The following SSH1 variants were observed in gnomAD, a reference collection of about 807,000 sequenced individuals.
SSH1 encodes slingshot protein phosphatase 1.
A neutral mutation model predicts 79.7 loss-of-function variants in SSH1; 43 were observed. That is an observed-to-expected ratio of 0.54 (90% CI 0.42 to 0.70). The LOEUF is 0.70. SSH1 is among the 30% of genes least tolerant of loss of function. The pLI is 0.00. For synonymous variants in SSH1, 599 were observed against 538.3 expected, an observed-to-expected ratio of 1.11 and a Z score of -1.56; for missense variants, 1,206 against 1,358.8, an observed-to-expected ratio of 0.89 and a Z score of 1.77.
At chr12:108,825,165 T>C (rs528568018) in intron 2 of SSH1, among the ~76,000 whole-genome samples, 81 of 152,322 alleles carry the variant, frequency 5.3e-4, no homozygotes, top group Admixed American at 4.8e-3. Context: ...CCAATGAACA[T>C]ATACATGATT....
At chr12:108,825,512 T>C (rs2038278930) in intron 2 of SSH1, among the ~76,000 whole-genome samples, 1 of 152,214 alleles carries the variant, frequency 6.6e-6, no homozygotes, top group Non-Finnish European at 1.5e-5. Context: ...ATGCTAAAAA[T>C]AGTGACTGCT....
chr12:108,805,493 A>G (rs1038603651), intron 9 of SSH1, among the ~76,000 whole-genome samples: 2 of 151,858 alleles, frequency 1.3e-5, no homozygotes, highest in African/African-American at 2.4e-5. Context: ...CAAATACATC[A>G]AATAATCTAA....
At chr12:108,823,508 T>A in intron 2 of SSH1, 147 bp from the exon 3 acceptor site, 1 of 726,176 alleles carries the variant, frequency 1.4e-6, no homozygotes, top group Non-Finnish European at 2.4e-6. Context: ...TAATTCCACG[T>A]AGTACTTTTC....
At chr12:108,804,922 G>T in intron 10 of SSH1, 134 bp downstream of exon 10, 1 of 1,088,858 alleles carries the variant, frequency 9.2e-7, no homozygotes. Context: ...GGGAGCTCCT[G>T]CCAGCCAGGA....
Position 108,787,963 on chromosome 12 carries a change from C to T in SSH1, c.*25G>A, listed in dbSNP as rs1156611340. On this transcript the variant is annotated 3_prime_UTR_variant, in exon 15 of 15. Transcript: ENST00000326495. ...GGAGGGATCATATGAAAATATCCGC[C>T]CAGCCTGACGCAGCAAAAGGCGGGT... is the stretch of plus-strand genomic sequence containing the variant. 1 of 1,613,892 alleles carries T rather than the reference C, an allele frequency of 6.2e-7. No homozygotes were observed. Among genetic ancestry groups the T allele is most frequent in the East Asian group, 2.2e-5 (1 of 44,894 alleles).
At chr12:108,797,153 G>C (rs59298008) in intron 13 of SSH1, among the ~76,000 whole-genome samples, 2 of 151,916 alleles carry the variant, frequency 1.3e-5, no homozygotes, top group African/African-American at 4.8e-5. Context: ...TTCAGACAGC[G>C]TCTGGTTCTG....
intron 2 of SSH1, chr12:108,834,373 C>A (rs1006679594): frequency 1.3e-5 from 2 of 152,248 alleles, no homozygotes; most frequent in African/African-American, 4.8e-5. Flanking sequence ...TATAGCTCCT[C>A]CCTTTCAACA....
chr12:108,791,076 G>A (rs1021928660), intron 14 of SSH1, among the ~76,000 whole-genome samples: 3 of 152,232 alleles, frequency 2.0e-5, no homozygotes, highest in African/African-American at 7.2e-5. Context: ...TAAGTTGGAA[G>A]GCTGGATACT....
intron 1 of SSH1, among the ~76,000 whole-genome samples, chr12:108,856,257 G>A (rs1298815056): frequency 6.6e-6 from 1 of 152,242 alleles, no homozygotes; most frequent in Non-Finnish European, 1.5e-5. Context: ...CGACCAGAGG[G>A]TCATCCCTGC....
In SSH1 at chr12:108,807,703, T is replaced by C; in HGVS notation, c.661A>G (p.Ile221Val). The C allele has an allele frequency of 1.2e-6, 2 of 1,613,398 alleles. No homozygotes were observed. Among genetic ancestry groups the C allele is most frequent in the Non-Finnish European group, 1.7e-6 (2 of 1,179,598 alleles). ...TCCTGCATGGCGTTCCACTCGTTGA[T>C]GCAGCTCTGCTCGGAGCTGATGCAG... ...ESCISSEQSC[I>V]NEWNAMQDLE... Residue 221 changes from isoleucine (I) to valine (V), a missense_variant, in exon 8 of 15, where the codon ATC becomes GTC. Physicochemically the swap from Ile to Val is conservative, Grantham distance 29. Coordinates refer to ENST00000326495, the MANE Select transcript of SSH1 (RefSeq NM_018984.4). This position sits in a 1 kb window ranked among gnomAD's most constrained non-coding sequence, Gnocchi z 5.2.
chr12:108,798,484 G>A (rs1366553667), intron 13 of SSH1, among the ~76,000 whole-genome samples: 1 of 152,210 alleles, frequency 6.6e-6, no homozygotes, highest in African/African-American at 2.4e-5. Flanking sequence ...GACTACAAGT[G>A]CATGTCCCAG....
chr12:108,842,258 ACCCCAATGTTTAAATATG>A (rs1306838539), intron 2 of SSH1, among the ~76,000 whole-genome samples: 1 of 152,106 alleles, frequency 6.6e-6, no homozygotes, highest in Non-Finnish European at 1.5e-5. Flanking sequence ...CAGCACAATG[ACCCCAATGTTTAAATATG>A]CCCCAATGTT....
chr12:108,847,804 C>T (rs1055046683), intron 2 of SSH1, among the ~76,000 whole-genome samples: 1 of 152,162 alleles, frequency 6.6e-6, no homozygotes, highest in South Asian at 2.1e-4. Flanking sequence ...ATGAGGCCGT[C>T]ACTAAGGGAT....
At chr12:108,853,227 C>T (rs777115492) in intron 1 of SSH1, 17 of 985,212 alleles carry the variant, frequency 1.7e-5, no homozygotes, top group African/African-American at 1.6e-4. Flanking sequence ...ACATTTGATA[C>T]GAAACATCCT....
chr12:108,857,347 C>A lies in SSH1; in HGVS notation c.69+81G>T. On this transcript the variant is annotated intron_variant, in intron 1 of 14. Transcript: ENST00000326495. This position sits in a 1 kb window ranked among gnomAD's most constrained non-coding sequence, Gnocchi z 4.7. ...GGAGCCCGCGCAGCCGCCCCCCTGC[C>A]CCGCACGCGCGGCCCCAGCTCCGGC... The A allele has an allele frequency of 3.5e-6, 3 of 850,204 alleles. No homozygotes were observed. The highest frequency in any genetic ancestry group is 3.7e-5 in the African/African-American group (2 of 54,344). 52.7% of individuals were successfully genotyped at this position (850,204 alleles called of 1,614,324 possible).
Position 108,788,886 on chromosome 12 carries a change from A to T in SSH1, c.2252T>A (p.Leu751Gln). The change falls in exon 15 of 15, where the codon CTG becomes CAG. Residue 751 changes from leucine to glutamine, a missense_variant. Leu to Gln is a moderately radical substitution (Grantham distance 113, BLOSUM62 -2). Coordinates refer to ENST00000326495, the MANE Select transcript of SSH1 (RefSeq NM_018984.4). ...LEPSRETPKV[L>Q]PKSLLLKNSH... is the part of the protein sequence containing the mutation. ...ATTCTTCAAAAGGAGGGACTTTGGC[A>T]GGACTTTTGGGGTCTCTCTGGAAGG... The T allele has an allele frequency of 6.2e-7, 1 of 1,614,236 alleles. No homozygotes were observed. Among genetic ancestry groups the T allele is most frequent in the South Asian group, 1.1e-5 (1 of 91,088 alleles).
intron 1 of SSH1, chr12:108,853,098 G>A: frequency 1.0e-6 from 1 of 985,436 alleles, no homozygotes; most frequent in Non-Finnish European, 1.2e-6. Flanking sequence ...ACAGCTGAGT[G>A]ATGAACACCA....
intron 1 of SSH1, chr12:108,853,168 G>A (rs778565875): frequency 5.3e-5 from 52 of 985,270 alleles, no homozygotes; most frequent in Admixed American, 2.5e-4. Context: ...GAATCAGGCC[G>A]TCTGTTTGTG....
intron 2 of SSH1, among the ~76,000 whole-genome samples, chr12:108,838,986 A>G (rs1473318604): frequency 6.6e-6 from 1 of 152,092 alleles, no homozygotes; most frequent in Non-Finnish European, 1.5e-5. Flanking sequence ...TTTCTCACTA[A>G]TGTTACATTC....
Sources: gnomAD v4.1 joint callset for allele counts (sites outside exome capture counted in the v4.1 genomes callset) on GRCh38, gnomAD v4.1.1 for gene constraint, Gnocchi (gnomAD v3.1) non-coding constraint, MANE v1.5 for transcripts, NCBI Gene and HGNC (gene_info 2026-07-23, HGNC 2026-07-21) for gene names.